Variants in GAS2L2 observed in about 807,000 individuals in gnomAD.
GAS2L2 encodes the protein GAS2-like protein 2.
In GAS2L2, 21 loss-of-function variants were observed where a neutral mutation model predicts 35.2. The ratio of observed to expected loss-of-function variants is 0.60; its 90% CI spans 0.42 to 0.86. GAS2L2 has a LOEUF of 0.86. GAS2L2 is among the 40% of genes least tolerant of loss of function. The pLI is 0.00. For missense variants in GAS2L2, 1,169 were observed against 1,144.4 expected (o/e 1.02, Z -0.31); for synonymous variants, 490 against 473.2 (o/e 1.04, Z -0.46).
At position 35,746,431 on chromosome 17, in the gene GAS2L2, G is replaced by A. The variant is rs782276437; in HGVS notation, c.1086-20C>T. 1 of 1,320,916 alleles carries A rather than the reference G, an allele frequency of 7.6e-7. No homozygotes were observed. The highest frequency in any genetic ancestry group is 2.7e-5 in the East Asian group (1 of 37,300). The allele number at this position is 1,320,916 out of a possible 1,614,324, so 81.8% of individuals were successfully genotyped here. ...TGGCACCTGAAAGGGAGAATCACAA[G>A]GCTGCAAAGGGAGACTCATCAGGCC... On this transcript the variant is annotated intron_variant, in intron 5 of 5. Coordinates refer to ENST00000604641, the MANE Select transcript of GAS2L2 (RefSeq NM_139285.4).
Position 35,745,553 on chromosome 17 carries a change from C to T in GAS2L2, c.1944G>A (p.Gly648=), listed in dbSNP as rs141512748. The stretch of plus-strand genomic sequence containing the variant: ...CTTGGATGGCTTTGTCATAAGGACC[C>T]CCAGGCTCAGGCCACTGCCCAGCCA... ...PRLAGQWPEP[G]GPYDKAIQEL... is the part of the protein sequence containing the mutation. The change falls in exon 6 of 6, where the codon GGG becomes GGA. Residue 648 remains glycine, a synonymous_variant. Transcript: ENST00000604641. The T allele has an allele frequency of 1.4e-4, 228 of 1,613,576 alleles. No individual in the cohort carries two copies. Among genetic ancestry groups the T allele is most frequent in the Non-Finnish European group, 1.9e-4 (220 of 1,179,902 alleles).
In GAS2L2 at chr17:35,745,958, TG is replaced by T. The variant is rs1175989170; in HGVS notation, c.1538del (p.Pro513GlnfsTer26). 4 of 1,606,476 alleles carry T rather than the reference TG, an allele frequency of 2.5e-6. No homozygotes were observed. The highest frequency in any genetic ancestry group is 2.2e-5 in the East Asian group (1 of 44,684). The part of the protein sequence containing the change: ...IPIRLPPARP[P>X]TPGRSFPGAT... ...CACCAGGAAAGCTCCTTCCTGGTGTTGGGGGGCGAGCAGGGGGCAGCCGGAT... is the reference window on the plus strand; with the variant it reads ...CACCAGGAAAGCTCCTTCCTGGTGTTGGGGGCGAGCAGGGGGCAGCCGGAT... On this transcript the variant is annotated frameshift_variant, in exon 6 of 6. Transcript: ENST00000604641. LOFTEE classifies it low-confidence loss of function (END_TRUNC).
intron 1 of GAS2L2, among the ~76,000 whole-genome samples, chr17:35,751,211 C>T (rs2085701377): frequency 6.6e-6 from 1 of 152,160 alleles, no homozygotes; most frequent in African/African-American, 2.4e-5. Context: ...CCCTCCCTGG[C>T]GTCATCCCAT....
At chr17:35,749,468 C>T (rs2085690180) in intron 2 of GAS2L2, among the ~76,000 whole-genome samples, 1 of 152,226 alleles carries the variant, frequency 6.6e-6, no homozygotes, top group Non-Finnish European at 1.5e-5. Context: ...ACTGTGGGAT[C>T]TGACAGGCTC....
At chr17:35,751,888 A>T (rs1404920784) in intron 1 of GAS2L2, among the ~76,000 whole-genome samples, 3 of 114,266 alleles carry the variant, frequency 2.6e-5, no homozygotes. Context: ...ACAGACTCTC[A>T]CTCTGTCACC....
chr17:35,751,471 C>T (rs587746820), intron 1 of GAS2L2, among the ~76,000 whole-genome samples: 2 of 152,220 alleles, frequency 1.3e-5, no homozygotes, highest in East Asian at 1.9e-4. Flanking sequence ...AGTTCGAGAC[C>T]AGCCTGGCCA....
At chr17:35,752,319 T>A (rs2085708538) in intron 1 of GAS2L2, 147 bp downstream of exon 1, 1 of 678,380 alleles carries the variant, frequency 1.5e-6, no homozygotes, top group African/African-American at 1.8e-5. Flanking sequence ...GTGGGGAAAC[T>A]GAGGCATGAA....
Position 35,744,829 on chromosome 17 carries a change from C to A in GAS2L2, c.*25G>T. 6.6e-7 allele frequency: 1 copy of A among 1,526,346 alleles called. No homozygotes were observed. The highest frequency in any genetic ancestry group is 1.2e-5 in the South Asian group (1 of 81,092). 94.6% of individuals were successfully genotyped at this position (1,526,346 alleles called of 1,614,324 possible). ...ATACATGGCCATCCTTTTTGCTTCC[C>A]TCCTACCCAACACGCTCATGTGCCT... On this transcript the variant is annotated 3_prime_UTR_variant, in exon 6 of 6. Transcript: ENST00000604641.
chr17:35,746,996 T>C lies in GAS2L2; in HGVS notation c.1085+20A>G, dbSNP rs2085672319. On this transcript the variant is annotated intron_variant, in intron 5 of 5. Coordinates refer to ENST00000604641, the MANE Select transcript of GAS2L2 (RefSeq NM_139285.4). ...GCACTCCAAAGGAAAAAGAGCCCCA[T>C]CCCTGTCTCTTCCCCATACCTCAGG... 6.6e-7 allele frequency: 1 copy of C among 1,525,220 alleles called. No individual in the cohort carries two copies. The highest frequency in any genetic ancestry group is 8.8e-7 in the Non-Finnish European group (1 of 1,137,152). 94.5% of individuals were successfully genotyped at this position (1,525,220 alleles called of 1,614,324 possible). A position where few individuals can be genotyped will look rare whatever the true frequency, so the allele number is the denominator to read the frequency against.
At position 35,745,262 on chromosome 17, in the gene GAS2L2, G is replaced by A. The variant is rs782348937; in HGVS notation, c.2235C>T (p.Asp745=). 4 of 1,609,722 alleles carry A rather than the reference G, an allele frequency of 2.5e-6. No individual in the cohort carries two copies. The highest frequency in any genetic ancestry group is 2.2e-5 in the South Asian group (2 of 90,554). Residue 745 remains aspartate, a synonymous_variant, in exon 6 of 6, where the codon GAC becomes GAT. Transcript: ENST00000604641. ...ATGCCTTGGCTTTGTCAGAGTTGGG[G>A]TCCAAGGGCGAAGGTGTGGGGGCCT... ...SPEAPTPSPL[D]PNSDKAKACL... is the part of the protein sequence containing the mutation.
In GAS2L2 at chr17:35,747,266, G is replaced by T; in HGVS notation, c.835C>A (p.His279Asn). The change falls in exon 5 of 6, where the codon CAC becomes AAC. Residue 279 changes from histidine to asparagine, a missense_variant and splice_region_variant. His to Asn is a moderately conservative substitution (Grantham distance 68). Coordinates refer to ENST00000604641, the MANE Select transcript of GAS2L2 (RefSeq NM_139285.4). ...HDPCRCTSLSHKPGSFLKPPA... is the reference protein window; with the variant it reads ...HDPCRCTSLSNKPGSFLKPPA... ...GGCTTCAGGAAGCTGCCTGGCTTGT[G>T]TGCTACCAACAGTCCCCCGGAGAAA... 1.2e-6 allele frequency: 2 copies of T among 1,609,246 alleles called. No homozygotes were observed. The highest frequency in any genetic ancestry group is 3.3e-5 in the Admixed American group (2 of 59,736).
Position 35,744,843 on chromosome 17 carries a change from G to A in GAS2L2, c.*11C>T, listed in dbSNP as rs782222685. 18 of 1,558,158 alleles carry A rather than the reference G, an allele frequency of 1.2e-5. No individual in the cohort carries two copies. The East Asian group carries it at 2.6e-4, about 23-fold the overall frequency. On this transcript the variant is annotated 3_prime_UTR_variant, in exon 6 of 6. Coordinates refer to ENST00000604641, the MANE Select transcript of GAS2L2 (RefSeq NM_139285.4). ...TTTTTGCTTCCCTCCTACCCAACACGCTCATGTGCCTCAGACCCAGGACTC... is the reference window on the plus strand; with the variant it reads ...TTTTTGCTTCCCTCCTACCCAACACACTCATGTGCCTCAGACCCAGGACTC...
In GAS2L2 at chr17:35,747,031, A is replaced by G. The variant is rs2085672564; in HGVS notation, c.1070T>C (p.Met357Thr). ...TTCCCCATACCTCAGGAATGGTGCC[A>G]TCTCTCTGGAGGCCCCCGTCCCTGC... ...RGAGTGASRE[M>T]APFLRCQERS... The change falls in exon 5 of 6, where the codon ATG becomes ACG. Residue 357 changes from methionine (M) to threonine (T), a missense_variant. Physicochemically the swap from Met to Thr is moderately conservative, Grantham distance 81. Around this residue, in one of 3 missense-constraint regions of GAS2L2, gnomAD observed 1,035 missense variants for 976.5 expected, o/e 1.06. Coordinates refer to ENST00000604641, the MANE Select transcript of GAS2L2 (RefSeq NM_139285.4). 3.8e-6 allele frequency: 6 copies of G among 1,581,440 alleles called. No individual in the cohort carries two copies. The highest frequency in any genetic ancestry group is 5.2e-6 in the Non-Finnish European group (6 of 1,162,938).
chr17:35,746,010 G>A lies in GAS2L2; in HGVS notation c.1487C>T (p.Pro496Leu), dbSNP rs782017848. ...REPESVRSPT[P>L]VQGLTKIPIR... ...GGGGATCTTGGTTAGGCCTTGGACA[G>A]GGGTTGGAGAACGGACAGACTCTGG... Residue 496 changes from proline to leucine, a missense_variant, in exon 6 of 6, where the codon CCT becomes CTT. This residue lies in a region of GAS2L2 where 1,035 missense variants were observed against 976.5 expected (regional missense o/e 1.06). Transcript: ENST00000604641. 3.2e-6 allele frequency: 5 copies of A among 1,569,218 alleles called. No individual in the cohort carries two copies. Among genetic ancestry groups the A allele is most frequent in the Middle Eastern group, 1.7e-4 (1 of 5,824 alleles).
In GAS2L2 at chr17:35,750,147, G is replaced by A. The variant is rs781811296; in HGVS notation, c.557C>T (p.Pro186Leu). 8.1e-6 allele frequency: 13 copies of A among 1,609,606 alleles called. No individual in the cohort carries two copies. In the South Asian group the frequency reaches 1.2e-4, roughly 15 times the overall value. ...EEEVRRELAL[P>L]PPDPSPPAPP... ...CGCTGGCGGCGAGGGGTCGGGCGGG[G>A]GCAGGGCCAGCTCCCGCCGCACCTC... The change falls in exon 2 of 6, where the codon CCC becomes CTC. Residue 186 changes from proline (P) to leucine (L), a missense_variant. Physicochemically the swap from Pro to Leu is moderately conservative, Grantham distance 98. Transcript: ENST00000604641.
rs1568103793 is a variant in GAS2L2, at chr17:35,749,211, T to C, written c.634A>G (p.Ser212Gly). 1 of 1,610,570 alleles carries C rather than the reference T, an allele frequency of 6.2e-7. No individual in the cohort carries two copies. Among genetic ancestry groups the C allele is most frequent in the African/African-American group, 1.3e-5 (1 of 74,814 alleles). Reference protein sequence around the residue: ...HFRNLDQMVQSLVSHCTCPVQ... With the variant: ...HFRNLDQMVQGLVSHCTCPVQ... ...GGGCACGTGCAGTGGCTCACAAGGC[T>C]CTGCACCTGCGGGCGGGTGGTGAAC... Residue 212 changes from serine to glycine, a missense_variant, in exon 3 of 6, where the codon AGC (serine) becomes GGC (glycine). This residue lies in a region of GAS2L2 where 1,035 missense variants were observed against 976.5 expected (regional missense o/e 1.06). Coordinates refer to ENST00000604641, the MANE Select transcript of GAS2L2 (RefSeq NM_139285.4).
chr17:35,745,051 A>G lies in GAS2L2; in HGVS notation c.2446T>C (p.Leu816=), dbSNP rs371399449. The change falls in exon 6 of 6, where the codon TTG becomes CTG. Residue 816 remains leucine (L), a synonymous_variant. Transcript: ENST00000604641. ...CCCTTGCTGCCCAGCACAGCTCTCAACAGCCTGTCCTTGGGGGGCTGCCTG... is the reference window on the plus strand; with the variant it reads ...CCCTTGCTGCCCAGCACAGCTCTCAGCAGCCTGTCCTTGGGGGGCTGCCTG... ...PARQPPKDRL[L]RAVLGSKGGE... is the part of the protein sequence containing the mutation. The G allele has an allele frequency of 1.7e-5, 28 of 1,613,826 alleles. 1 individual carries two copies. The South Asian group carries it at 2.9e-4, about 16-fold the overall frequency.
At position 35,750,271 on chromosome 17, in the gene GAS2L2, T is replaced by A; in HGVS notation, c.433A>T (p.Lys145Ter). The A allele has an allele frequency of 6.2e-7, 1 of 1,613,610 alleles. No individual in the cohort carries two copies. Among genetic ancestry groups the A allele is most frequent in the Non-Finnish European group, 8.5e-7 (1 of 1,179,644 alleles). The stretch of plus-strand genomic sequence containing the variant: ...TCCAGCAAACACAGCACCACGTTCT[T>A]CACGTTCTTGCGCAGCACCAAGTCC... ...TEDLVLRKNVKNVVLCLLELG... is the reference protein window; with the variant it reads ...TEDLVLRKNV Residue 145 changes from lysine (K) to a stop codon, truncating the protein, a stop_gained, in exon 2 of 6, where the codon AAG (lysine) becomes TAG (stop). Coordinates refer to ENST00000604641, the MANE Select transcript of GAS2L2 (RefSeq NM_139285.4). LOFTEE classifies it high-confidence loss of function.
Position 35,745,208 on chromosome 17 carries a change from C to T in GAS2L2, c.2289G>A (p.Arg763=), listed in dbSNP as rs949685686. ...AGATGGACGGGACCCTCTTGGGCTT[C>T]CGGAGAGTTCTCCTGCCCTTGCTCA... ...ACLSKGRRTL[R]KPKRVPSIYK... The change falls in exon 6 of 6, where the codon CGG becomes CGA. Residue 763 remains arginine, a synonymous_variant. Transcript: ENST00000604641. 8 of 1,607,656 alleles carry T rather than the reference C, an allele frequency of 5.0e-6. No homozygotes were observed. Among genetic ancestry groups the T allele is most frequent in the Non-Finnish European group, 6.8e-6 (8 of 1,175,556 alleles).
Sources: allele counts gnomAD v4.1 joint callset (sites outside exome capture counted in the v4.1 genomes callset), GRCh38; gene constraint gnomAD v4.1.1; regional missense constraint gnomAD v4.1.1; transcripts MANE v1.5; gene names NCBI Gene and HGNC (gene_info 2026-07-23, HGNC 2026-07-21).